PKP1: variants seen among roughly 807,000 people sequenced by gnomAD.
The protein encoded by PKP1 is plakophilin 1.
In PKP1, 27 loss-of-function variants were observed where a neutral mutation model predicts 76.4. The observed-to-expected ratio is 0.35, with a 90% CI of 0.26 to 0.49. The LOEUF is 0.49. PKP1 is among the 20% of genes least tolerant of loss of function. The probability of loss-of-function intolerance (pLI) is 0.99; values close to 1 mark genes in which losing one functional copy is unlikely to be tolerated. For missense variants in PKP1, 964 were observed against 955.2 expected (o/e 1.01, Z -0.12); for synonymous variants, 404 against 384.2 (o/e 1.05, Z -0.60).
At chr1:201,289,999 T>C (rs891805614) in intron 1 of PKP1, among the ~76,000 whole-genome samples, 9 of 152,180 alleles carry the variant, frequency 5.9e-5, no homozygotes, top group African/African-American at 2.2e-4. Flanking sequence ...CTGCCCCTAC[T>C]GGAGAGAGAT....
chr1:201,296,997 T>C (rs1656097784), intron 2 of PKP1, among the ~76,000 whole-genome samples: 1 of 152,190 alleles, frequency 6.6e-6, no homozygotes, highest in Non-Finnish European at 1.5e-5. Flanking sequence ...TGTAGGCAAT[T>C]CCAAAAAGAA....
chr1:201,313,074 G>A (rs1656608259), intron 2 of PKP1, 92 bp from the exon 3 acceptor site: 6 of 1,312,324 alleles, frequency 4.6e-6, no homozygotes, highest in Non-Finnish European at 5.4e-6. Flanking sequence ...GCGTTATTAT[G>A]GGGGCTGGGG....
At chr1:201,309,648 G>A (rs1263568998) in intron 2 of PKP1, among the ~76,000 whole-genome samples, 2 of 152,216 alleles carry the variant, frequency 1.3e-5, no homozygotes, top group Non-Finnish European at 2.9e-5. Context: ...GGCTGGGAGA[G>A]CCGGCATTGG....
Position 201,323,144 on chromosome 1 carries a change from G to T in PKP1, c.1635G>T (p.Glu545Asp), listed in dbSNP as rs1487494170. The change falls in exon 9 of 14, where the codon GAG (glutamate) becomes GAT (aspartate). Residue 545 changes from glutamate (E) to aspartate (D), a missense_variant. Physicochemically the swap from Glu to Asp is conservative, Grantham distance 45. Coordinates refer to ENST00000367324, the MANE Select transcript of PKP1 (RefSeq NM_001005337.3). Reference protein sequence around the residue: ...MGKSKKDATLEACAGALQNLT... With the variant: ...MGKSKKDATLDACAGALQNLT... The stretch of plus-strand genomic sequence containing the variant: ...AGAGCAAGAAAGATGCTACCCTGGA[G>T]GCCTGTGCTGGTGCCCTGCAGAACC... 1.2e-6 allele frequency: 2 copies of T among 1,614,112 alleles called. No individual in the cohort carries two copies. The highest frequency in any genetic ancestry group is 1.7e-6 in the Non-Finnish European group (2 of 1,180,028).
chr1:201,294,185 T>C, intron 2 of PKP1, 140 bp downstream of exon 2: 1 of 706,824 alleles, frequency 1.4e-6, no homozygotes, highest in South Asian at 1.5e-5. Context: ...CAACTCTGAC[T>C]AGGTCTGTTG....
In PKP1 at chr1:201,306,671, A is replaced by G. The variant is rs111981616; in HGVS notation, c.307-6495A>G. The stretch of plus-strand genomic sequence containing the variant: ...TCTCTACTCTGAGGATGGGCACCAA[A>G]ACTTTTACTTTTTTTTTTTTTGAGA... On this transcript the variant is annotated intron_variant, in intron 2 of 13. Transcript: ENST00000367324. Among the ~76,000 whole-genome samples the G allele has an allele frequency of 6.7e-3, 1,021 of 151,650 alleles. 12 individuals carry two copies. The highest frequency in any genetic ancestry group is 0.024 in the African/African-American group (967 of 41,036).
intron 12 of PKP1, 165 bp from the exon 13 acceptor site, chr1:201,328,597 G>T (rs1485389128): frequency 2.9e-6 from 2 of 697,058 alleles, no homozygotes; most frequent in Admixed American, 2.0e-5. Context: ...ATTATGTTTT[G>T]TTACACAGTT....
At chr1:201,319,772 C>A in intron 6 of PKP1, 1 of 1,606,898 alleles carries the variant, frequency 6.2e-7, no homozygotes, top group Non-Finnish European at 8.5e-7. Context: ...ACCCCCAGAT[C>A]CACTTCTGAT....
intron 4 of PKP1, 22 bp from the exon 5 acceptor site, chr1:201,317,550 C>A: frequency 6.3e-7 from 1 of 1,598,832 alleles, no homozygotes; most frequent in Non-Finnish European, 8.6e-7. Flanking sequence ...GACCAGGCAG[C>A]GTGGCAACTC....
In PKP1 at chr1:201,320,352, T is replaced by C. The variant is rs935965202; in HGVS notation, c.1318T>C (p.Cys440Arg). ...IDSLMAYVQN[C>R]VAASRCDDKS... ...TTCCCTCATGGCCTATGTCCAGAAC[T>C]GTGTAGCGGCCAGCCGCTGTGACGA... Residue 440 changes from cysteine to arginine, a missense_variant, in exon 7 of 14, where the codon TGT (cysteine) becomes CGT (arginine). By Grantham distance (180) the Cys-to-Arg change is radical. Coordinates refer to ENST00000367324, the MANE Select transcript of PKP1 (RefSeq NM_001005337.3). 6.2e-7 allele frequency: 1 copy of C among 1,613,590 alleles called. No homozygotes were observed. Among genetic ancestry groups the C allele is most frequent in the African/African-American group, 1.3e-5 (1 of 74,924 alleles).
At chr1:201,294,140 G>A (rs545207920) in intron 2 of PKP1, 95 bp downstream of exon 2, 1 of 828,014 alleles carries the variant, frequency 1.2e-6, no homozygotes, top group East Asian at 2.7e-5. Flanking sequence ...GCTAAAAAGA[G>A]TGATGTAGGC....
rs533384538 is a variant in PKP1, at chr1:201,304,614, T to C, written c.307-8552T>C. The stretch of plus-strand genomic sequence containing the variant: ...CACAGTTGGCTCAAAGAAGAAGGGC[T>C]GGCACCTCCTGTGTCTAGAACCACT... On this transcript the variant is annotated intron_variant, in intron 2 of 13. Coordinates refer to ENST00000367324, the MANE Select transcript of PKP1 (RefSeq NM_001005337.3). 2.0e-5 allele frequency among the ~76,000 whole-genome samples: 3 copies of C among 152,350 alleles called. No homozygotes were observed. The East Asian group carries it at 5.8e-4, about 29-fold the overall frequency.
intron 2 of PKP1, among the ~76,000 whole-genome samples, chr1:201,294,764 C>T (rs6427897): frequency 0.11 from 16,134 of 152,198 alleles, 2,807 homozygotes; most frequent in African/African-American, 0.37. Flanking sequence ...GCTCTGTCTG[C>T]TTTCTAAGTG....
At chr1:201,308,147 CG>C (rs1656422859) in intron 2 of PKP1, among the ~76,000 whole-genome samples, 1 of 152,242 alleles carries the variant, frequency 6.6e-6, no homozygotes, top group South Asian at 2.1e-4. Flanking sequence ...TCAGGTCAAG[CG>C]GTAAAGGGAA....
At chr1:201,304,846 G>A (rs549259230) in intron 2 of PKP1, among the ~76,000 whole-genome samples, 6 of 152,332 alleles carry the variant, frequency 3.9e-5, no homozygotes, top group Admixed American at 2.6e-4. Context: ...TCTTAGCTGC[G>A]TGGCCTTGGA....
In PKP1 at chr1:201,317,693, T is replaced by C; in HGVS notation, c.968T>C (p.Leu323Pro). The C allele has an allele frequency of 3.7e-6, 6 of 1,613,700 alleles. No homozygotes were observed. Among genetic ancestry groups the C allele is most frequent in the Non-Finnish European group, 5.1e-6 (6 of 1,179,922 alleles). Residue 323 changes from leucine (L) to proline (P), a missense_variant, in exon 5 of 14, where the codon CTG becomes CCG. Transcript: ENST00000367324. ...NLVFRSTTNK[L>P]ETRRQNGIRE... The stretch of plus-strand genomic sequence containing the variant: ...GTGTTCAGGAGCACCACCAACAAGC[T>C]GGAGACCCGGAGGCAGAATGGGATC...
intron 2 of PKP1, among the ~76,000 whole-genome samples, chr1:201,296,142 A>G (rs1299173871): frequency 6.6e-6 from 1 of 152,140 alleles, no homozygotes; most frequent in Non-Finnish European, 1.5e-5. Flanking sequence ...ATCTCCTTTC[A>G]GTTCAGGAGA....
At chr1:201,291,600 G>A (rs771171770) in intron 1 of PKP1, among the ~76,000 whole-genome samples, 18 of 152,182 alleles carry the variant, frequency 1.2e-4, no homozygotes, top group Non-Finnish European at 2.1e-4. Context: ...CAAGCCCCCC[G>A]GGGCTGCTTC....
chr1:201,323,466 G>C (rs1248747411), intron 9 of PKP1, among the ~76,000 whole-genome samples: 1 of 152,200 alleles, frequency 6.6e-6, no homozygotes, highest in Admixed American at 6.5e-5. Flanking sequence ...TCCCCAGCTG[G>C]CCTCCTGGGC....
Sources: gnomAD v4.1 joint callset for allele counts (sites outside exome capture counted in the v4.1 genomes callset) on GRCh38, gnomAD v4.1.1 for gene constraint, MANE v1.5 for transcripts, NCBI Gene and HGNC (gene_info 2026-07-23, HGNC 2026-07-21) for gene names.